Variants in GPBP1 observed in about 807,000 individuals in gnomAD.
GPBP1 encodes vasculin.
In GPBP1, 13 loss-of-function variants were observed where a neutral mutation model predicts 56.5. The ratio of observed to expected loss-of-function variants is 0.23; its 90% CI spans 0.15 to 0.37. The LOEUF (loss-of-function observed/expected upper bound fraction) is 0.37. GPBP1 is among the 10% of genes least tolerant of loss of function. The pLI is 1.00. For missense variants in GPBP1, 477 were observed against 572.3 expected, an observed-to-expected ratio of 0.83 and a Z score of 1.70; for synonymous variants, 204 against 188.9, an observed-to-expected ratio of 1.08 and a Z score of -0.66.
chr5:57,236,490 T>C (rs1387445198), intron 6 of GPBP1, among the ~76,000 whole-genome samples: 1 of 152,184 alleles, frequency 6.6e-6, no homozygotes, highest in Non-Finnish European at 1.5e-5. Context: ...TATAGACTGT[T>C]ACAGATAATT....
intron 3 of GPBP1, among the ~76,000 whole-genome samples, chr5:57,229,217 C>T (rs1284886947): frequency 8.0e-5 from 8 of 99,670 alleles, no homozygotes; most frequent in Admixed American, 2.5e-4. Context: ...GGCGACAGAA[C>T]AAGACTCCAT....
Position 57,263,769 on chromosome 5 carries a change from A to G in GPBP1, c.*1017A>G, listed in dbSNP as rs1193409474. On this transcript the variant is annotated 3_prime_UTR_variant, in exon 12 of 12. Coordinates refer to ENST00000506184, the MANE Select transcript of GPBP1 (RefSeq NM_022913.4). ...ATTATCAAATACACAAGCTTATTAA[A>G]TGAATGACTGTTAACTACTTTATTT... The G allele has an allele frequency of 6.6e-6, 1 of 152,194 alleles. No homozygotes were observed. Among genetic ancestry groups the G allele is most frequent in the Non-Finnish European group, 1.5e-5 (1 of 68,018 alleles). The allele number at this position is 152,194 out of a possible 1,614,324, so 9.4% of individuals were successfully genotyped here.
chr5:57,180,941 C>A (rs967218705), intron 2 of GPBP1, among the ~76,000 whole-genome samples: 2 of 152,192 alleles, frequency 1.3e-5, no homozygotes, highest in Non-Finnish European at 2.9e-5. Flanking sequence ...GGGGTTTCCC[C>A]ATGTTGGTCA....
At chr5:57,226,520 G>C (rs1427075351) in intron 3 of GPBP1, among the ~76,000 whole-genome samples, 3 of 150,152 alleles carry the variant, frequency 2.0e-5, no homozygotes, top group Non-Finnish European at 4.4e-5. Context: ...ATCATTGAGA[G>C]AGGCAATTCA....
Position 57,255,195 on chromosome 5 carries a change from T to C in GPBP1, c.1160+4054T>C, listed in dbSNP as rs550898749. ...ATGTGTGTTCACGTCCTCTCTCTCTTCTCTCCCCTTCTCTTTCCCTTTCTC... is the reference window on the plus strand; with the variant it reads ...ATGTGTGTTCACGTCCTCTCTCTCTCCTCTCCCCTTCTCTTTCCCTTTCTC... On this transcript the variant is annotated intron_variant, in intron 10 of 11. Coordinates refer to ENST00000506184, the MANE Select transcript of GPBP1 (RefSeq NM_022913.4). Among the ~76,000 whole-genome samples the C allele has an allele frequency of 1.2e-4, 15 of 120,840 alleles. No homozygotes were observed. The South Asian group carries it at 3.5e-3, about 29-fold the overall frequency. 79.3% of individuals were successfully genotyped at this position (120,840 alleles called of 152,430 possible). A position where few individuals can be genotyped will look rare whatever the true frequency, so the allele number is the denominator to read the frequency against.
chr5:57,199,315 T>TG (rs1422761490), intron 2 of GPBP1, among the ~76,000 whole-genome samples: 2 of 152,164 alleles, frequency 1.3e-5, no homozygotes, highest in Admixed American at 1.3e-4. Flanking sequence ...AGTTTTATAT[T>TG]ATTAGTGTTA....
In GPBP1 at chr5:57,249,478, C is replaced by A. The variant is rs1309536897; in HGVS notation, c.874C>A (p.Arg292=). The change falls in exon 9 of 12, where the codon CGA becomes AGA. Residue 292 remains arginine, a synonymous_variant. Transcript: ENST00000506184. ...NQQPRLTKLT[R]MRTDKKSEFL... ...GCAGCCTCGTCTAACCAAACTGACA[C>A]GAATGCGCACTGATAAGAAGAGTGA... The A allele has an allele frequency of 6.2e-7, 1 of 1,611,630 alleles. No individual in the cohort carries two copies. The highest frequency in any genetic ancestry group is 8.5e-7 in the Non-Finnish European group (1 of 1,178,876).
In GPBP1 at chr5:57,249,389, A is replaced by G. The variant is rs919690656; in HGVS notation, c.805-20A>G. 1 of 1,559,906 alleles carries G rather than the reference A, an allele frequency of 6.4e-7. No individual in the cohort carries two copies. The highest frequency in any genetic ancestry group is 1.7e-4 in the Middle Eastern group (1 of 5,816). On this transcript the variant is annotated intron_variant, in intron 8 of 11. Transcript: ENST00000506184. ...ATTCCTTGGCTACATATTTATCAGT[A>G]TTTCTGAATTTCCTCTTAGTGTAAT...
intron 2 of GPBP1, among the ~76,000 whole-genome samples, chr5:57,184,535 C>T (rs1044382320): frequency 1.5e-4 from 23 of 152,118 alleles, no homozygotes; most frequent in African/African-American, 5.6e-4. Flanking sequence ...GGTGAACTAT[C>T]AGCAAGAACT....
intron 2 of GPBP1, among the ~76,000 whole-genome samples, chr5:57,178,003 A>G (rs917845197): frequency 3.9e-5 from 6 of 151,974 alleles, no homozygotes; most frequent in African/African-American, 1.5e-4. Context: ...GTTATAATAG[A>G]CTAGGTTATA....
intron 6 of GPBP1, among the ~76,000 whole-genome samples, chr5:57,244,095 A>C (rs1157403847): frequency 6.6e-6 from 1 of 152,182 alleles, no homozygotes; most frequent in Non-Finnish European, 1.5e-5. Flanking sequence ...TACATTCTTT[A>C]GAATTAGTAA....
At chr5:57,188,586 T>C (rs1340660114) in intron 2 of GPBP1, among the ~76,000 whole-genome samples, 1 of 150,284 alleles carries the variant, frequency 6.7e-6, no homozygotes, top group Non-Finnish European at 1.5e-5. Context: ...AAAAAAAAAA[T>C]GCAGAAATTA....
At chr5:57,228,110 A>G (rs1580046040) in intron 3 of GPBP1, among the ~76,000 whole-genome samples, 1 of 152,234 alleles carries the variant, frequency 6.6e-6, no homozygotes, top group East Asian at 1.9e-4. Context: ...CTGTTTAATT[A>G]CTTCTTTATA....
intron 3 of GPBP1, among the ~76,000 whole-genome samples, chr5:57,224,223 T>A (rs370028349): frequency 6.6e-6 from 1 of 151,246 alleles, no homozygotes; most frequent in Non-Finnish European, 1.5e-5. Flanking sequence ...CATAGCTTGG[T>A]GCAACCTGGA....
At chr5:57,245,490 A>C (rs1741048335) in intron 6 of GPBP1, 1 of 152,240 alleles carries the variant, frequency 6.6e-6, no homozygotes, top group African/African-American at 2.4e-5. Flanking sequence ...GATCTTATTT[A>C]ATGTGGAGAA....
intron 2 of GPBP1, among the ~76,000 whole-genome samples, chr5:57,193,529 G>A (rs1476197771): frequency 6.1e-5 from 9 of 147,222 alleles, no homozygotes; most frequent in African/African-American, 2.0e-4. Flanking sequence ...TGGGAAGATC[G>A]CTTGAGCCCA....
chr5:57,223,855 A>G (rs902134831), intron 3 of GPBP1, among the ~76,000 whole-genome samples: 2 of 151,312 alleles, frequency 1.3e-5, no homozygotes, highest in African/African-American at 4.8e-5. Context: ...TATTTTTGAG[A>G]TGGAGTCTCG....
At chr5:57,250,790 C>T (rs1416713393) in intron 9 of GPBP1, among the ~76,000 whole-genome samples, 164 bp from the exon 10 acceptor site, 1 of 152,120 alleles carries the variant, frequency 6.6e-6, no homozygotes, top group Non-Finnish European at 1.5e-5. Flanking sequence ...GATGATCCAC[C>T]CGCCTTGGCC....
At chr5:57,261,984 C>T (rs982715361) in intron 11 of GPBP1, among the ~76,000 whole-genome samples, 1 of 152,162 alleles carries the variant, frequency 6.6e-6, no homozygotes, top group African/African-American at 2.4e-5. Context: ...TGGGCTCAAG[C>T]AATACTCTTG....
Sources: allele counts gnomAD v4.1 joint callset (sites outside exome capture counted in the v4.1 genomes callset), GRCh38; gene constraint gnomAD v4.1.1; transcripts MANE v1.5; gene names NCBI Gene and HGNC (gene_info 2026-07-23, HGNC 2026-07-21).